Variants in RP1 observed in about 807,000 individuals in gnomAD.
The protein encoded by RP1 is oxygen-regulated protein 1.
RP1 carries 16 observed loss-of-function variants against 14.8 expected under a neutral mutation model. The observed-to-expected ratio is 1.08, with a 90% CI of 0.73 to 1.65. The LOEUF (loss-of-function observed/expected upper bound fraction) is 1.65. Ranked by LOEUF, RP1 falls within the 40% of genes most tolerant of loss-of-function variation. RP1 has a pLI of 0.00. For missense variants in RP1, 2,631 were observed against 2,535.0 expected, an observed-to-expected ratio of 1.04 and a Z score of -0.81; for synonymous variants, 876 against 883.6, an observed-to-expected ratio of 0.99 and a Z score of 0.15.
At chr8:54,651,860 T>A (rs1806661100) in intron 4 of RP1, among the ~76,000 whole-genome samples, 2 of 152,128 alleles carry the variant, frequency 1.3e-5, no homozygotes, top group Admixed American at 1.3e-4. Context: ...TAAATGTAGG[T>A]GTATATAGCT....
At chr8:54,720,383 C>T in intron 16 of RP1, 1 of 1,252,254 alleles carries the variant, frequency 8.0e-7, no homozygotes, top group Non-Finnish European at 1.1e-6. Flanking sequence ...AATTTCATCA[C>T]ATTTTTACTA....
chr8:54,709,504 A>G (rs531585638), intron 15 of RP1, among the ~76,000 whole-genome samples: 3 of 152,246 alleles, frequency 2.0e-5, no homozygotes, highest in East Asian at 3.9e-4. Flanking sequence ...CTTCTTAGAG[A>G]TATTTCACAA....
intron 1 of RP1, among the ~76,000 whole-genome samples, chr8:54,586,047 C>T (rs546074022): frequency 1.2e-4 from 19 of 152,358 alleles, no homozygotes; most frequent in South Asian, 1.0e-3. Context: ...TGAGGAGCTG[C>T]GTTCCTTTGG....
intron 21 of RP1, among the ~76,000 whole-genome samples, chr8:54,757,092 T>C (rs567663592): frequency 2.6e-5 from 4 of 152,236 alleles, no homozygotes; most frequent in Non-Finnish European, 5.9e-5. Context: ...TCTGTTATTT[T>C]CCTCGGTGCT....
chr8:54,612,035 A>G (rs969467852), upstream of RP1, among the ~76,000 whole-genome samples: 1 of 152,094 alleles, frequency 6.6e-6, no homozygotes, highest in African/African-American at 2.4e-5. Context: ...TTCCCTGAGC[A>G]TATGAGATGA....
intron 17 of RP1, among the ~76,000 whole-genome samples, chr8:54,730,611 T>C (rs1474743365): frequency 6.6e-6 from 1 of 152,140 alleles, no homozygotes; most frequent in Non-Finnish European, 1.5e-5. Context: ...CATAATATCC[T>C]TTCAGTGTAA....
chr8:54,691,720 A>T lies in RP1; in HGVS notation c.1718-7747A>T, dbSNP rs151000676. 6.2e-4 allele frequency among the ~76,000 whole-genome samples: 94 copies of T among 152,138 alleles called. No homozygotes were observed. In the East Asian group the frequency reaches 0.016, roughly 26 times the overall value. ...AAAACTTCCCCTTTTCCTTGTGAAG[A>T]TTCACTAAAAATCACTGATAAAATG... is the stretch of plus-strand genomic sequence containing the variant. On this transcript the variant is annotated intron_variant, in intron 12 of 22. Coordinates refer to the RP1 transcript ENST00000636932.
chr8:54,803,627 C>T (rs1442409257), intron 24 of RP1, among the ~76,000 whole-genome samples: 1 of 151,996 alleles, frequency 6.6e-6, no homozygotes, highest in Non-Finnish European at 1.5e-5. Context: ...TTTACTATTA[C>T]AAAGGATTTC....
At chr8:54,694,034 G>A (rs1334794304) in intron 12 of RP1, among the ~76,000 whole-genome samples, 2 of 152,136 alleles carry the variant, frequency 1.3e-5, no homozygotes, top group African/African-American at 4.8e-5. Flanking sequence ...ATGAAGGGTT[G>A]TTGAATTTTG....
intron 24 of RP1, among the ~76,000 whole-genome samples, chr8:54,793,338 C>A (rs1274067615): frequency 2.0e-5 from 3 of 151,828 alleles, no homozygotes; most frequent in African/African-American, 7.2e-5. Context: ...ATGAGGCCAG[C>A]ATTACCCAGA....
At chr8:54,770,015 T>C (rs2375220), downstream of RP1, 1 of 487,968 alleles carries the variant, frequency 2.0e-6, no homozygotes, top group East Asian at 3.2e-5. Flanking sequence ...AAAAATCAAC[T>C]TAAGGATTTG....
At chr8:54,649,511 G>T (rs421469) in intron 4 of RP1, among the ~76,000 whole-genome samples, 3 of 152,052 alleles carry the variant, frequency 2.0e-5, no homozygotes, top group Admixed American at 6.5e-5. Flanking sequence ...TTAATTACTG[G>T]TTTTTATTAG....
intron 24 of RP1, among the ~76,000 whole-genome samples, chr8:54,837,010 T>C (rs1266123199): frequency 1.3e-5 from 2 of 152,164 alleles, no homozygotes; most frequent in African/African-American, 4.8e-5. Context: ...AACACTTCTG[T>C]AGAATCACAG....
chr8:54,747,236 A>G (rs1809248023), intron 19 of RP1, among the ~76,000 whole-genome samples: 1 of 152,148 alleles, frequency 6.6e-6, no homozygotes, highest in African/African-American at 2.4e-5. Flanking sequence ...AACATCAGTC[A>G]GATCATGTCC....
intron 8 of RP1, among the ~76,000 whole-genome samples, chr8:54,677,928 A>C (rs990011746): frequency 1.2e-4 from 18 of 152,178 alleles, no homozygotes; most frequent in African/African-American, 4.3e-4. Flanking sequence ...TTGCAAATTA[A>C]TATGAAATTA....
exon 21 of RP1, chr8:54,755,643 A>G: frequency 1.3e-6 from 2 of 1,536,022 alleles, no homozygotes; most frequent in Non-Finnish European, 1.7e-6. Context: ...GTTGACGTCT[A>G]CACTGGGCAG....
intron 14 of RP1, among the ~76,000 whole-genome samples, chr8:54,702,112 G>A (rs138456441): frequency 6.6e-6 from 1 of 151,894 alleles, no homozygotes; most frequent in Non-Finnish European, 1.5e-5. Context: ...TTATTTATGA[G>A]GTTTCCCATT....
At chr8:54,790,586 A>G (rs1344423237) in intron 24 of RP1, among the ~76,000 whole-genome samples, 1 of 152,118 alleles carries the variant, frequency 6.6e-6, no homozygotes, top group South Asian at 2.1e-4. Context: ...AAGGTAGACA[A>G]CTAAATGAAG....
intron 25 of RP1, among the ~76,000 whole-genome samples, chr8:54,844,915 A>G (rs886077303): frequency 6.6e-6 from 1 of 151,974 alleles, no homozygotes; most frequent in Admixed American, 6.5e-5. Flanking sequence ...TTCTAAATGA[A>G]TTCTCTTAGG....
Sources: gnomAD v4.1 joint callset for allele counts (sites outside exome capture counted in the v4.1 genomes callset) on GRCh38, gnomAD v4.1.1 for gene constraint, MANE v1.5 for transcripts, NCBI Gene and HGNC (gene_info 2026-07-23, HGNC 2026-07-21) for gene names.